Variants in SLC39A11 observed in about 807,000 individuals in gnomAD.
SLC39A11 encodes zinc transporter ZIP11.
Under a neutral mutation model 36.1 loss-of-function variants are expected in SLC39A11, and 33 were observed. That is an observed-to-expected ratio of 0.91 (90% CI 0.69 to 1.22). SLC39A11 has a LOEUF of 1.22. SLC39A11 is among the 50% of genes most tolerant of loss of function. The pLI is 0.00. For missense variants in SLC39A11, 432 were observed against 430.3 expected (o/e 1.00, Z -0.03); for synonymous variants, 166 against 170.3 (o/e 0.97, Z 0.20).
At chr17:72,686,002 C>T (rs2071729972) in intron 7 of SLC39A11, among the ~76,000 whole-genome samples, 1 of 151,788 alleles carries the variant, frequency 6.6e-6, no homozygotes, top group South Asian at 2.1e-4. Flanking sequence ...CACCACTGCA[C>T]TCCAGCTTAG....
intron 4 of SLC39A11, among the ~76,000 whole-genome samples, chr17:73,016,083 T>A (rs142990043): frequency 7.7e-4 from 117 of 152,270 alleles, no homozygotes; most frequent in African/African-American, 2.7e-3. Flanking sequence ...AGTTTTACTA[T>A]CTGTATCATG....
intron 7 of SLC39A11, among the ~76,000 whole-genome samples, chr17:72,683,209 A>G (rs2071582548): frequency 6.6e-6 from 1 of 152,206 alleles, no homozygotes; most frequent in East Asian, 1.9e-4. Flanking sequence ...TAGATCCTCT[A>G]TGGAAGGAAA....
intron 7 of SLC39A11, among the ~76,000 whole-genome samples, chr17:72,662,108 A>T (rs2070449517): frequency 6.6e-6 from 1 of 152,142 alleles, no homozygotes; most frequent in South Asian, 2.1e-4. Flanking sequence ...GTAGCCATCA[A>T]AAGACACATC....
At chr17:72,968,604 C>A (rs371199034) in intron 4 of SLC39A11, among the ~76,000 whole-genome samples, 1 of 152,176 alleles carries the variant, frequency 6.6e-6, no homozygotes, top group South Asian at 2.1e-4. Flanking sequence ...AGAGGCCTCG[C>A]TCTTCACACA....
At chr17:72,801,948 G>C (rs2077097933) in intron 6 of SLC39A11, among the ~76,000 whole-genome samples, 1 of 152,148 alleles carries the variant, frequency 6.6e-6, no homozygotes, top group Non-Finnish European at 1.5e-5. Flanking sequence ...AGTACATTTA[G>C]ACTAAAACAA....
intron 5 of SLC39A11, among the ~76,000 whole-genome samples, chr17:72,853,420 C>T (rs1598116100): frequency 6.6e-6 from 1 of 152,170 alleles, no homozygotes; most frequent in African/African-American, 2.4e-5. Flanking sequence ...CTCTAACAAT[C>T]ACCGACAGTT....
chr17:72,819,386 T>C (rs4300695), intron 6 of SLC39A11, among the ~76,000 whole-genome samples: 8,035 of 151,446 alleles, frequency 0.053, 774 homozygotes, highest in African/African-American at 0.18. Context: ...TGATTTCAGA[T>C]GCCTGGCCTC....
chr17:72,686,422 C>A (rs986402179), intron 7 of SLC39A11, among the ~76,000 whole-genome samples: 1 of 152,208 alleles, frequency 6.6e-6, no homozygotes, highest in Non-Finnish European at 1.5e-5. Flanking sequence ...CGGGATCCCA[C>A]TGCTGTCCCG....
At chr17:72,959,449 T>C (rs889883362) in intron 4 of SLC39A11, among the ~76,000 whole-genome samples, 8 of 150,728 alleles carry the variant, frequency 5.3e-5, no homozygotes, top group Admixed American at 4.0e-4. Context: ...ACTATTATTC[T>C]AAGTGAAGTA....
chr17:72,841,783 C>T lies in SLC39A11; in HGVS notation c.601+7851G>A, dbSNP rs181072918. Among the ~76,000 whole-genome samples, 49 of 152,134 alleles carry T rather than the reference C, an allele frequency of 3.2e-4. 1 individual carries two copies. Among genetic ancestry groups the T allele is most frequent in the Admixed American group, 2.9e-3 (45 of 15,268 alleles). ...CTGTATCAAAATATTTCATGCAGGC[C>T]AGGCGAGGTGGCTCACACCTGTAAT... On this transcript the variant is annotated intron_variant, in intron 6 of 9. Coordinates refer to ENST00000255559, the MANE Select transcript of SLC39A11 (RefSeq NM_139177.4).
intron 5 of SLC39A11, among the ~76,000 whole-genome samples, chr17:72,850,718 T>C (rs953908716): frequency 6.6e-5 from 10 of 152,180 alleles, no homozygotes; most frequent in African/African-American, 2.4e-4. Context: ...ACTAGAATAA[T>C]AGCATTACCT....
chr17:72,986,817 G>A (rs1238412654), intron 4 of SLC39A11, among the ~76,000 whole-genome samples: 1 of 152,200 alleles, frequency 6.6e-6, no homozygotes, highest in African/African-American at 2.4e-5. Context: ...CTTGAGGTCA[G>A]GAGTTCAAGA....
Position 72,729,434 on chromosome 17 carries a change from TA to T in SLC39A11, c.671+7215del, listed in dbSNP as rs2074096878. ...ATATATATATATATATATATATATA[TA>T]TATATATATATATATATATATATTT... On this transcript the variant is annotated intron_variant, in intron 7 of 9. Transcript: ENST00000255559. Among the ~76,000 whole-genome samples the T allele has an allele frequency of 7.8e-3, 27 of 3,474 alleles. 1 individual carries two copies. The highest frequency in any genetic ancestry group is 0.02 in the African/African-American group (19 of 936). 2.3% of individuals were successfully genotyped at this position (3,474 alleles called of 152,430 possible).
At chr17:72,772,115 C>T (rs2075969282) in intron 6 of SLC39A11, among the ~76,000 whole-genome samples, 1 of 152,182 alleles carries the variant, frequency 6.6e-6, no homozygotes, top group Non-Finnish European at 1.5e-5. Context: ...CTTTCCAGGC[C>T]TGGACAACAG....
intron 6 of SLC39A11, among the ~76,000 whole-genome samples, chr17:72,743,364 A>G (rs2074795004): frequency 6.6e-6 from 1 of 152,220 alleles, no homozygotes; most frequent in African/African-American, 2.4e-5. Flanking sequence ...AGCAAAGGGA[A>G]TGCATTTTCC....
intron 4 of SLC39A11, among the ~76,000 whole-genome samples, chr17:73,019,099 A>G (rs923550850): frequency 3.3e-5 from 5 of 152,194 alleles, no homozygotes; most frequent in Non-Finnish European, 7.4e-5. Context: ...TCTTCAAATA[A>G]TGAAGGCAAA....
In SLC39A11 at chr17:72,685,986, T is replaced by C. The variant is rs111305280; in HGVS notation, c.672-36718A>G. On this transcript the variant is annotated intron_variant, in intron 7 of 9. Coordinates refer to ENST00000255559, the MANE Select transcript of SLC39A11 (RefSeq NM_139177.4). The stretch of plus-strand genomic sequence containing the variant: ...AGGAGATGAAGATTGCAGTGAGCTA[T>C]GATCCCACCACTGCACTCCAGCTTA... Among the ~76,000 whole-genome samples the C allele has an allele frequency of 6.1e-3, 929 of 151,822 alleles. 6 individuals are homozygous for C. The highest frequency in any genetic ancestry group is 0.011 in the Non-Finnish European group (752 of 67,926).
chr17:72,916,895 A>C (rs1270931194), intron 5 of SLC39A11, among the ~76,000 whole-genome samples: 1 of 152,090 alleles, frequency 6.6e-6, no homozygotes, highest in Non-Finnish European at 1.5e-5. Context: ...GAATACCCAC[A>C]CGTTCCACAC....
At chr17:72,987,760 GA>G (rs1384518293) in intron 4 of SLC39A11, among the ~76,000 whole-genome samples, 1 of 152,050 alleles carries the variant, frequency 6.6e-6, no homozygotes, top group Admixed American at 6.5e-5. Flanking sequence ...CACTTACAGA[GA>G]AAGGTGAAGC....
Sources: allele counts gnomAD v4.1 joint callset (sites outside exome capture counted in the v4.1 genomes callset), GRCh38; gene constraint gnomAD v4.1.1; transcripts MANE v1.5; gene names NCBI Gene and HGNC (gene_info 2026-07-23, HGNC 2026-07-21).